TUT7: variants seen among roughly 807,000 people sequenced by gnomAD.
TUT7 encodes the protein terminal uridylyl transferase 7, also known as terminal uridylyltransferase 7.
Under a neutral mutation model 165.9 loss-of-function variants are expected in TUT7, and 33 were observed. The observed-to-expected ratio is 0.20, with a 90% CI of 0.15 to 0.27. The LOEUF is 0.27. Ranked by LOEUF, TUT7 falls within the 10% of genes least tolerant of loss-of-function variation. TUT7 has a pLI of 1.00. For missense variants in TUT7, 1,338 were observed against 1,762.3 expected, an observed-to-expected ratio of 0.76 and a Z score of 4.31; for synonymous variants, 552 against 608.1, an observed-to-expected ratio of 0.91 and a Z score of 1.36.
intron 10 of TUT7, among the ~76,000 whole-genome samples, chr9:86,334,986 T>C (rs1830642210): frequency 6.6e-6 from 1 of 152,188 alleles, no homozygotes; most frequent in Non-Finnish European, 1.5e-5. Context: ...TTTGATGCTG[T>C]TGTTTCTGTA....
Position 86,345,661 on chromosome 9 carries a change from C to G in TUT7, c.819+8G>C, listed in dbSNP as rs765676454. 1 of 1,590,866 alleles carries G rather than the reference C, an allele frequency of 6.3e-7. No homozygotes were observed. Among genetic ancestry groups the G allele is most frequent in the South Asian group, 1.1e-5 (1 of 89,720 alleles). On this transcript the variant is annotated splice_region_variant and intron_variant, in intron 4 of 26. Transcript: ENST00000375963. ...TAAGCAGACTTGTTTGGGTTACATT[C>G]AATTTACCTTAATGTTTTTCTTGTG...
intron 19 of TUT7, 87 bp from the exon 20 acceptor site, chr9:86,309,663 A>G (rs563859110): frequency 1.4e-5 from 16 of 1,142,228 alleles, no homozygotes; most frequent in Non-Finnish European, 2.0e-5. Flanking sequence ...AGTAAAGTGC[A>G]TATTTTGAGA....
At chr9:86,345,214 C>T (rs970205659) in intron 4 of TUT7, 60 bp from the exon 5 acceptor site, 6 of 1,500,322 alleles carry the variant, frequency 4.0e-6, no homozygotes, top group African/African-American at 2.8e-5. Flanking sequence ...CCTTCTACCA[C>T]TCATGAAGAC....
intron 5 of TUT7, among the ~76,000 whole-genome samples, chr9:86,344,588 C>A (rs975686113): frequency 2.1e-5 from 3 of 141,746 alleles, no homozygotes; most frequent in Non-Finnish European, 4.6e-5. Flanking sequence ...TAAATAAAAT[C>A]TTTTTTTTTT....
At chr9:86,303,060 A>G (rs1038168145) in intron 25 of TUT7, 26 bp downstream of exon 25, 1 of 1,183,738 alleles carries the variant, frequency 8.4e-7, no homozygotes, top group Non-Finnish European at 1.2e-6. Context: ...TAAAAACACA[A>G]CCAACCCCTT....
chr9:86,323,514 T>C lies in TUT7; in HGVS notation c.2236A>G (p.Thr746Ala), dbSNP rs769638972. The change falls in exon 13 of 27, where the codon ACA (threonine) becomes GCA (alanine). Residue 746 changes from threonine to alanine, a missense_variant. Thr to Ala is a moderately conservative substitution (Grantham distance 58). This residue lies in a region of TUT7 where 425 missense variants were observed against 474.9 expected (regional missense o/e 0.89). Coordinates refer to ENST00000375963, the MANE Select transcript of TUT7 (RefSeq NM_024617.4). ...TTCTCTTTCTCGTTTTTCCTTCCTG[T>C]TTCTGGATGGTATACTTTATCACCC... Reference protein sequence around the residue: ...YKGDKVYHPETGRKNEKEKVG... With the variant: ...YKGDKVYHPEAGRKNEKEKVG... The C allele has an allele frequency of 1.2e-6, 2 of 1,614,234 alleles. No individual in the cohort carries two copies. The highest frequency in any genetic ancestry group is 1.7e-6 in the Non-Finnish European group (2 of 1,180,038).
intron 11 of TUT7, among the ~76,000 whole-genome samples, chr9:86,327,716 G>A (rs1365966256): frequency 6.6e-6 from 1 of 152,202 alleles, no homozygotes; most frequent in Non-Finnish European, 1.5e-5. Flanking sequence ...TTTTAGGCAT[G>A]AGTAAAACAT....
intron 17 of TUT7, among the ~76,000 whole-genome samples, chr9:86,316,447 G>C (rs1046729010): frequency 6.6e-6 from 1 of 152,078 alleles, no homozygotes; most frequent in Admixed American, 6.5e-5. Flanking sequence ...AAAAGAGATC[G>C]CTTCAAGTGA....
At chr9:86,330,713 A>G (rs1236120680) in intron 10 of TUT7, among the ~76,000 whole-genome samples, 2 of 152,100 alleles carry the variant, frequency 1.3e-5, no homozygotes, top group African/African-American at 4.8e-5. Context: ...TAACTTTTAC[A>G]TTTAGGTCTT....
chr9:86,329,742 A>C (rs1409381187), intron 10 of TUT7, among the ~76,000 whole-genome samples: 1 of 152,102 alleles, frequency 6.6e-6, no homozygotes. Context: ...AGTCCTTTCC[A>C]GGGCCTGAGT....
Position 86,323,459 on chromosome 9 carries a change from G to A in TUT7, c.2291C>T (p.Thr764Ile). 6.2e-7 allele frequency: 1 copy of A among 1,614,212 alleles called. No individual in the cohort carries two copies. The highest frequency in any genetic ancestry group is 1.1e-5 in the South Asian group (1 of 91,092). ...KVGRKGKHLL[T>I]VDQKRGEHVV... ...ATGCTCTCCACGTTTCTGATCAACA[G>A]TCAACAGATGCTTGCCCTTCCTTCC... The change falls in exon 13 of 27, where the codon ACT becomes ATT. Residue 764 changes from threonine to isoleucine, a missense_variant. Physicochemically the swap from Thr to Ile is moderately conservative, Grantham distance 89. This residue lies in a region of TUT7 where 425 missense variants were observed against 474.9 expected (regional missense o/e 0.89). Coordinates refer to ENST00000375963, the MANE Select transcript of TUT7 (RefSeq NM_024617.4).
chr9:86,339,673 G>A lies in TUT7; in HGVS notation c.1208+363C>T, dbSNP rs117591391. On this transcript the variant is annotated intron_variant, in intron 8 of 26. Coordinates refer to ENST00000375963, the MANE Select transcript of TUT7 (RefSeq NM_024617.4). ...AGTAATGCTTTCACACAGAGGCAGA[G>A]AGAGATAAACCAGAGAGGTCACACT... 7.9e-5 allele frequency among the ~76,000 whole-genome samples: 12 copies of A among 152,304 alleles called. No individual in the cohort carries two copies. The East Asian group carries it at 2.3e-3, about 29-fold the overall frequency.
chr9:86,330,463 A>T (rs1487687542), intron 10 of TUT7, among the ~76,000 whole-genome samples: 1 of 152,212 alleles, frequency 6.6e-6, no homozygotes, highest in African/African-American at 2.4e-5. Context: ...TTCCACAGAA[A>T]ACACTTTGGA....
chr9:86,318,019 G>A (rs1211630261), intron 16 of TUT7, among the ~76,000 whole-genome samples: 1 of 152,046 alleles, frequency 6.6e-6, no homozygotes, highest in Non-Finnish European at 1.5e-5. Context: ...TCAAATTCAG[G>A]CTAGATCACT....
chr9:86,289,901 C>T (rs569755934), intron 26 of TUT7, among the ~76,000 whole-genome samples: 47 of 151,932 alleles, frequency 3.1e-4, no homozygotes, highest in Non-Finnish European at 5.0e-4. Flanking sequence ...CCAAAACTTA[C>T]GATATGACCA....
intron 4 of TUT7, 75 bp from the exon 5 acceptor site, chr9:86,345,229 C>T (rs928680214): frequency 7.1e-7 from 1 of 1,402,820 alleles, no homozygotes; most frequent in Non-Finnish European, 9.6e-7. Context: ...GAAGACAACA[C>T]CCTATAGAGT....
intron 17 of TUT7, among the ~76,000 whole-genome samples, chr9:86,312,922 T>C (rs1023779025): frequency 6.6e-6 from 1 of 151,860 alleles, no homozygotes; most frequent in African/African-American, 2.4e-5. Flanking sequence ...GCATGCTCGT[T>C]AAGAGTCATC....
Position 86,311,941 on chromosome 9 carries a change from G to T in TUT7, c.3275-1132C>A, listed in dbSNP as rs1016274518. 6.6e-6 allele frequency among the ~76,000 whole-genome samples: 1 copy of T among 152,182 alleles called. No homozygotes were observed. The highest frequency in any genetic ancestry group is 6.5e-5 in the Admixed American group (1 of 15,288). ...TCAGTGCTCAATGGTGCCCAGGCTG[G>T]AGTGCAGTGGCGTGATCTCGGCCCG... On this transcript the variant is annotated intron_variant, in intron 17 of 26. Coordinates refer to ENST00000375963, the MANE Select transcript of TUT7 (RefSeq NM_024617.4). This position sits in a 1 kb window ranked among gnomAD's most constrained non-coding sequence, Gnocchi z 4.4.
rs1279338800 is a variant in TUT7, at chr9:86,340,895, A to G, written c.1138+107T>C. ...GGCATTTGCTTTGGATATTACCCAC[A>G]TAAATAATTTTAAAAGCATGCCTTG... On this transcript the variant is annotated intron_variant, in intron 7 of 26. Coordinates refer to ENST00000375963, the MANE Select transcript of TUT7 (RefSeq NM_024617.4). The G allele has an allele frequency of 3.6e-6, 3 of 832,352 alleles. No homozygotes were observed. In the Admixed American group the frequency reaches 6.2e-5, roughly 17 times the overall value. The allele number at this position is 832,352 out of a possible 1,614,324, so 51.6% of individuals were successfully genotyped here. A position where few individuals can be genotyped will look rare whatever the true frequency, so the allele number is the denominator to read the frequency against.
Sources: gnomAD v4.1 joint callset for allele counts (sites outside exome capture counted in the v4.1 genomes callset) on GRCh38, gnomAD v4.1.1 for gene constraint, gnomAD v4.1.1 regional missense constraint, Gnocchi (gnomAD v3.1) non-coding constraint, MANE v1.5 for transcripts, NCBI Gene and HGNC (gene_info 2026-07-23, HGNC 2026-07-21) for gene names.